Variants in ARID2 observed in about 807,000 individuals in gnomAD.
The protein encoded by ARID2 is AT-rich interaction domain 2.
Under a neutral mutation model 184.6 loss-of-function variants are expected in ARID2, and 32 were observed. The ratio of observed to expected loss-of-function variants is 0.17; its 90% CI spans 0.13 to 0.23. The LOEUF (loss-of-function observed/expected upper bound fraction) is 0.23, where lower values mean the gene tolerates loss of function less well. Among genes scored for constraint, ARID2 ranks in the 10% least tolerant of loss-of-function variants. ARID2 has a pLI of 1.00. For missense variants in ARID2, 1,696 were observed against 2,197.6 expected, an observed-to-expected ratio of 0.77 and a Z score of 4.56; for synonymous variants, 836 against 772.6, an observed-to-expected ratio of 1.08 and a Z score of -1.36.
chr12:45,819,901 A>G (rs1364324742), intron 5 of ARID2, among the ~76,000 whole-genome samples: 1 of 151,542 alleles, frequency 6.6e-6, no homozygotes, highest in Non-Finnish European at 1.5e-5. Context: ...GCACCACCAC[A>G]CCTGGCTAAT....
chr12:45,787,218 C>CTTT (rs1273672108), intron 3 of ARID2, among the ~76,000 whole-genome samples: 1 of 136,782 alleles, frequency 7.3e-6, no homozygotes, highest in Admixed American at 7.4e-5. Context: ...TATTTCTTTT[C>CTTT]TTTTTTTTTT....
chr12:45,826,458 T>C lies in ARID2; in HGVS notation c.705+4971T>C, dbSNP rs145408530. On this transcript the variant is annotated intron_variant, in intron 6 of 20. Coordinates refer to ENST00000334344, the MANE Select transcript of ARID2 (RefSeq NM_152641.4). Reference sequence around the variant, plus strand: ...TTTCTTTGAGACAGTCTTACTCTTATCACCCAGGCTAGAGTCCAGTGGTGC... The same window carrying C: ...TTTCTTTGAGACAGTCTTACTCTTACCACCCAGGCTAGAGTCCAGTGGTGC... 6.1e-3 allele frequency among the ~76,000 whole-genome samples: 928 copies of C among 152,262 alleles called. 16 individuals carry two copies. The highest frequency in any genetic ancestry group is 0.021 in the African/African-American group (857 of 41,558).
At chr12:45,789,210 C>G (rs185375168) in intron 3 of ARID2, 14 of 152,312 alleles carry the variant, frequency 9.2e-5, no homozygotes, top group Admixed American at 6.5e-4. Context: ...AGCAGAACAT[C>G]TCTTCCTTCT....
chr12:45,860,265 A>G (rs998633518), intron 15 of ARID2, among the ~76,000 whole-genome samples: 3 of 152,228 alleles, frequency 2.0e-5, no homozygotes, highest in Non-Finnish European at 4.4e-5. Context: ...TTCAAAATCT[A>G]AAATTGTTAA....
At chr12:45,809,749 G>A (rs1942668893) in intron 3 of ARID2, among the ~76,000 whole-genome samples, 1 of 152,166 alleles carries the variant, frequency 6.6e-6, no homozygotes, top group Admixed American at 6.5e-5. Flanking sequence ...GGGGAACTTG[G>A]AAGTAATGGA....
At chr12:45,757,340 A>G (rs531991546) in intron 3 of ARID2, among the ~76,000 whole-genome samples, 1 of 152,168 alleles carries the variant, frequency 6.6e-6, no homozygotes, top group Non-Finnish European at 1.5e-5. Context: ...GAATTTCCCA[A>G]ACACATTTGA....
intron 3 of ARID2, among the ~76,000 whole-genome samples, chr12:45,752,556 C>T (rs1480876182): frequency 2.6e-5 from 4 of 152,198 alleles, no homozygotes; most frequent in African/African-American, 9.7e-5. Flanking sequence ...GGGTCTGGCT[C>T]TGTTGCCCAG....
intron 4 of ARID2, among the ~76,000 whole-genome samples, chr12:45,815,610 T>TGC (rs1329394428): frequency 2.0e-5 from 3 of 152,180 alleles, no homozygotes; most frequent in African/African-American, 7.2e-5. Context: ...TGTGTGTGTG[T>TGC]GTGTGTGTGT....
At chr12:45,733,925 C>A (rs1240312687) in intron 3 of ARID2, among the ~76,000 whole-genome samples, 1 of 152,146 alleles carries the variant, frequency 6.6e-6, no homozygotes, top group African/African-American at 2.4e-5. Context: ...ATTATTTTAA[C>A]ATTGGCATTT....
intron 6 of ARID2, among the ~76,000 whole-genome samples, chr12:45,828,975 C>G (rs190254514): frequency 1.8e-4 from 28 of 151,908 alleles, no homozygotes; most frequent in Non-Finnish European, 3.5e-4. Context: ...TTTTTTAGTT[C>G]TAGTTACAAA....
intron 3 of ARID2, among the ~76,000 whole-genome samples, chr12:45,795,450 T>C (rs1942372939): frequency 6.6e-6 from 1 of 152,012 alleles, no homozygotes; most frequent in South Asian, 2.1e-4. Context: ...ATTTTTTTTT[T>C]AGACGGAGTC....
chr12:45,741,958 TA>T (rs539696708), intron 3 of ARID2, among the ~76,000 whole-genome samples: 18 of 152,358 alleles, frequency 1.2e-4, no homozygotes, highest in African/African-American at 4.3e-4. Flanking sequence ...TTGCACTCCA[TA>T]CTAGCTAGTT....
chr12:45,885,048 C>G (rs531161678), intron 16 of ARID2, among the ~76,000 whole-genome samples: 5 of 151,498 alleles, frequency 3.3e-5, no homozygotes, highest in Non-Finnish European at 7.4e-5. Flanking sequence ...AAATTAATTT[C>G]TCTTTAATAG....
At chr12:45,777,092 T>A (rs1339537284) in intron 3 of ARID2, among the ~76,000 whole-genome samples, 1 of 151,562 alleles carries the variant, frequency 6.6e-6, no homozygotes, top group African/African-American at 2.4e-5. Context: ...GTGCCCAACC[T>A]CCATCTCTAT....
intron 3 of ARID2, among the ~76,000 whole-genome samples, chr12:45,736,250 G>A (rs781322951): frequency 7.9e-5 from 12 of 151,984 alleles, no homozygotes; most frequent in South Asian, 6.2e-4. Flanking sequence ...CCAGCTACTC[G>A]GGAGGCTGAG....
chr12:45,852,316 C>G lies in ARID2; in HGVS notation c.4193C>G (p.Thr1398Ser), dbSNP rs755626808. 6.2e-7 allele frequency: 1 copy of G among 1,614,114 alleles called. No homozygotes were observed. Among genetic ancestry groups the G allele is most frequent in the South Asian group, 1.1e-5 (1 of 91,080 alleles). The change falls in exon 15 of 21, where the codon ACT becomes AGT. Residue 1398 changes from threonine (T) to serine (S), a missense_variant. Thr to Ser is a moderately conservative substitution (Grantham distance 58). This residue lies in a region of ARID2 where 428 missense variants were observed against 409.1 expected (regional missense o/e 1.05). Transcript: ENST00000334344. ...GEISPMEPQG[T>S]LDITQQDTAK... is the part of the protein sequence containing the mutation. ...ATATCTCCAATGGAACCACAAGGGA[C>G]TTTAGATATCACTCAGCAAGATACT... is the stretch of plus-strand genomic sequence containing the variant.
intron 3 of ARID2, among the ~76,000 whole-genome samples, chr12:45,747,204 G>A (rs753345618): frequency 2.0e-5 from 3 of 152,172 alleles, no homozygotes; most frequent in African/African-American, 4.8e-5. Context: ...TAGGGTAGTT[G>A]TGGGATTGTG....
intron 3 of ARID2, among the ~76,000 whole-genome samples, chr12:45,737,941 T>C (rs1217844774): frequency 1.3e-5 from 2 of 152,094 alleles, no homozygotes; most frequent in African/African-American, 4.8e-5. Flanking sequence ...CCACTTTAGT[T>C]AAGGGAAAAA....
intron 8 of ARID2, 98 bp from the exon 9 acceptor site, chr12:45,837,223 A>T (rs1266375232): frequency 1.7e-6 from 2 of 1,196,572 alleles, no homozygotes; most frequent in Non-Finnish European, 2.3e-6. Context: ...TTTTAACGTT[A>T]TGCAACATTG....
Sources: gnomAD v4.1 joint callset for allele counts (sites outside exome capture counted in the v4.1 genomes callset) on GRCh38, gnomAD v4.1.1 for gene constraint, gnomAD v4.1.1 regional missense constraint, MANE v1.5 for transcripts, NCBI Gene and HGNC (gene_info 2026-07-23, HGNC 2026-07-21) for gene names.